ODR4: variants seen among roughly 807,000 people sequenced by gnomAD.
ODR4 encodes odr-4 GPCR localization factor homolog.
A neutral mutation model predicts 60.2 loss-of-function variants in ODR4; 47 were observed. The ratio of observed to expected loss-of-function variants is 0.78; its 90% CI spans 0.62 to 1.00. The LOEUF is 1.00. Ranked by LOEUF, ODR4 falls within the 50% of genes least tolerant of loss-of-function variation. The pLI is 0.00. For synonymous variants in ODR4, 178 were observed against 175.5 expected (o/e 1.01, Z -0.11); for missense variants, 488 against 530.8 (o/e 0.92, Z 0.79).
intron 4 of ODR4, among the ~76,000 whole-genome samples, chr1:186,387,025 G>C (rs1250090748): frequency 1.3e-5 from 2 of 152,076 alleles, no homozygotes; most frequent in African/African-American, 4.8e-5. Context: ...TTTTTGAAGG[G>C]TATTTCATAC....
chr1:186,417,533 T>C lies in ODR4; in HGVS notation c.1187-11T>C. 1 of 1,403,380 alleles carries C rather than the reference T, an allele frequency of 7.1e-7. No homozygotes were observed. The highest frequency in any genetic ancestry group is 9.9e-7 in the Non-Finnish European group (1 of 1,006,498). 86.9% of individuals were successfully genotyped at this position (1,403,380 alleles called of 1,614,324 possible). ...TTTTATGTGGAATTTATTATTATTA[T>C]ACCCTTTCAGCTTGTATGAGTTCTT... On this transcript the variant is annotated splice_polypyrimidine_tract_variant and intron_variant, in intron 12 of 13. Transcript: ENST00000287859.
chr1:186,409,632 G>A (rs1178106324), intron 12 of ODR4, among the ~76,000 whole-genome samples: 7 of 152,154 alleles, frequency 4.6e-5, no homozygotes, highest in Admixed American at 4.6e-4. Flanking sequence ...TGCAACCTCT[G>A]CCTCCCGGGT....
intron 13 of ODR4, among the ~76,000 whole-genome samples, chr1:186,417,891 G>A (rs1409763465): frequency 6.6e-6 from 1 of 152,120 alleles, no homozygotes; most frequent in Admixed American, 6.6e-5. Context: ...GTTCTTAAAA[G>A]AAAAAGCTGC....
intron 9 of ODR4, among the ~76,000 whole-genome samples, chr1:186,395,892 G>C (rs1025056445): frequency 6.6e-6 from 1 of 152,068 alleles, no homozygotes; most frequent in Non-Finnish European, 1.5e-5. Flanking sequence ...TAAGTGTTCT[G>C]TACTGACTAG....
downstream of ODR4, among the ~76,000 whole-genome samples, chr1:186,423,619 T>C (rs903599292): frequency 6.6e-6 from 1 of 151,730 alleles, no homozygotes; most frequent in African/African-American, 2.4e-5. Flanking sequence ...CACGCCCGGC[T>C]AATTTTTATA....
At chr1:186,376,149 G>A (rs6425028) in intron 1 of ODR4, among the ~76,000 whole-genome samples, 175 bp downstream of exon 1, 1 of 151,988 alleles carries the variant, frequency 6.6e-6, no homozygotes, top group Non-Finnish European at 1.5e-5. Context: ...TGGTGGGGAG[G>A]TGGCACTGAG....
the ODR4 span, among the ~76,000 whole-genome samples, chr1:186,426,924 G>GT: frequency 6.6e-6 from 1 of 152,200 alleles, no homozygotes; most frequent in African/African-American, 2.4e-5. Flanking sequence ...CACAATAGCA[G>GT]TATGTCTAAA....
chr1:186,379,828 C>G lies in ODR4; in HGVS notation c.43C>G (p.Leu15Val). ...YIVEETVGQY[L>V]SNINLQGKAF... ...TGTAGAAGAGACTGTTGGCCAGTAT[C>G]TTTCAAACATAAATCTCCAAGGAAA... The change falls in exon 2 of 14, where the codon CTT (leucine) becomes GTT (valine). Residue 15 changes from leucine (L) to valine (V), a missense_variant. Transcript: ENST00000287859. 1.2e-6 allele frequency: 2 copies of G among 1,609,408 alleles called. No individual in the cohort carries two copies. The highest frequency in any genetic ancestry group is 1.7e-6 in the Non-Finnish European group (2 of 1,178,046).
rs539220222 is a variant in ODR4, at chr1:186,409,506, A to G, written c.1186+3238A>G. ...TCCTATGGATTAGAGTCCAAAGAAC[A>G]ACAAAATGCTGATTCTGTCTTCAAG... On this transcript the variant is annotated intron_variant, in intron 12 of 13. Transcript: ENST00000287859. 7.9e-5 allele frequency among the ~76,000 whole-genome samples: 12 copies of G among 152,372 alleles called. No individual in the cohort carries two copies. In the East Asian group the frequency reaches 1.2e-3, roughly 15 times the overall value.
rs758403340 is a variant in ODR4 at position 186,388,483 on chromosome 1, G to A, written c.372G>A (p.Leu124=). 24 of 1,571,418 alleles carry A rather than the reference G, an allele frequency of 1.5e-5. No individual in the cohort carries two copies. Among genetic ancestry groups the A allele is most frequent in the Non-Finnish European group, 2.1e-5 (24 of 1,158,028 alleles). The change falls in exon 5 of 14, where the codon TTG becomes TTA. Residue 124 remains leucine (L), a synonymous_variant. Transcript: ENST00000287859. ...AAAAGTCTATAAATAGAAAGAGATT[G>A]TGGAATTTCACAGAGGAGGAAGTCT... ...AVEKSINRKR[L]WNFTEEEVSE... is the part of the protein sequence containing the mutation.
chr1:186,426,622 C>T, the ODR4 span, among the ~76,000 whole-genome samples: 1 of 152,188 alleles, frequency 6.6e-6, no homozygotes, highest in Non-Finnish European at 1.5e-5. Flanking sequence ...AAAGCAAACA[C>T]AGATCCAGTC....
At chr1:186,384,751 T>C (rs1429380749) in intron 3 of ODR4, among the ~76,000 whole-genome samples, 2 of 152,186 alleles carry the variant, frequency 1.3e-5, no homozygotes, top group African/African-American at 2.4e-5. Flanking sequence ...TGAAAAGATA[T>C]GCAGGCTCCT....
At chr1:186,427,365 G>T in the ODR4 span, among the ~76,000 whole-genome samples, 1 of 152,128 alleles carries the variant, frequency 6.6e-6, no homozygotes, top group Non-Finnish European at 1.5e-5. Flanking sequence ...CAGCATCTTT[G>T]CCAGGAGTAG....
At position 186,391,796 on chromosome 1, in the gene ODR4, G is replaced by A; in HGVS notation, c.711+5G>A. 1 of 1,525,170 alleles carries A rather than the reference G, an allele frequency of 6.6e-7. No homozygotes were observed. The highest frequency in any genetic ancestry group is 2.3e-5 in the East Asian group (1 of 44,180). The allele number at this position is 1,525,170 out of a possible 1,614,324, so 94.5% of individuals were successfully genotyped here. A position where few individuals can be genotyped will look rare whatever the true frequency, so the allele number is the denominator to read the frequency against. ...TGTGACCTATTAGAAGGACAGGTAA[G>A]TTAAGAGAAAATCATCTTATTAAAT... On this transcript the variant is annotated splice_donor_5th_base_variant and intron_variant, in intron 8 of 13. Coordinates refer to ENST00000287859, the MANE Select transcript of ODR4 (RefSeq NM_017847.6).
At chr1:186,408,964 T>G (rs938268385) in intron 12 of ODR4, among the ~76,000 whole-genome samples, 5 of 152,162 alleles carry the variant, frequency 3.3e-5, no homozygotes, top group Non-Finnish European at 7.4e-5. Context: ...ATAGACTAGT[T>G]TAAGACTGTT....
intron 9 of ODR4, among the ~76,000 whole-genome samples, chr1:186,395,163 C>A (rs1258105291): frequency 6.6e-6 from 1 of 152,092 alleles, no homozygotes; most frequent in East Asian, 1.9e-4. Flanking sequence ...GGTGCGATCT[C>A]GGCTCACTGC....
intron 11 of ODR4, among the ~76,000 whole-genome samples, chr1:186,402,238 T>TCTTTCTTTCCTTC (rs1558085293): frequency 6.9e-6 from 1 of 145,564 alleles, no homozygotes; most frequent in African/African-American, 2.5e-5. Context: ...TTCTTTCCTT[T>TCTTTCTTTCCTTC]CTTTCTTTCT....
At chr1:186,377,297 T>A (rs903005973) in intron 1 of ODR4, among the ~76,000 whole-genome samples, 1 of 152,226 alleles carries the variant, frequency 6.6e-6, no homozygotes, top group African/African-American at 2.4e-5. Flanking sequence ...AAACCACAGA[T>A]GTGGAAAGCT....
chr1:186,418,562 A>G (rs1425701318), intron 13 of ODR4, among the ~76,000 whole-genome samples: 1 of 152,228 alleles, frequency 6.6e-6, no homozygotes, highest in Non-Finnish European at 1.5e-5. Flanking sequence ...AGATTTTATA[A>G]TGGTCGAACA....
Sources: allele counts gnomAD v4.1 joint callset (sites outside exome capture counted in the v4.1 genomes callset), GRCh38; gene constraint gnomAD v4.1.1; transcripts MANE v1.5; gene names NCBI Gene and HGNC (gene_info 2026-07-23, HGNC 2026-07-21).